The following DPP10 variants were observed in gnomAD, a reference collection of about 807,000 sequenced individuals.
DPP10 encodes inactive dipeptidyl peptidase 10.
DPP10 carries 33 observed loss-of-function variants against 120.9 expected under a neutral mutation model. The ratio of observed to expected loss-of-function variants is 0.27; its 90% CI spans 0.21 to 0.37. The LOEUF (loss-of-function observed/expected upper bound fraction) is 0.37, where lower values mean the gene tolerates loss of function less well. Ranked by LOEUF, DPP10 falls within the 10% of genes least tolerant of loss-of-function variation. DPP10 has a pLI of 1.00. For missense variants in DPP10, 816 were observed against 942.8 expected, an observed-to-expected ratio of 0.87 and a Z score of 1.76; for synonymous variants, 337 against 326.1, an observed-to-expected ratio of 1.03 and a Z score of -0.36.
intron 5 of DPP10, among the ~76,000 whole-genome samples, chr2:115,605,484 C>T (rs1427374687): frequency 2.6e-5 from 4 of 151,916 alleles, no homozygotes; most frequent in African/African-American, 9.7e-5. Context: ...CCATTCTAAG[C>T]AAAGAAGAAG....
intron 3 of DPP10, among the ~76,000 whole-genome samples, chr2:115,435,476 T>C (rs769292007): frequency 2.6e-5 from 4 of 151,964 alleles, no homozygotes; most frequent in Non-Finnish European, 5.9e-5. Flanking sequence ...CATATGCCTG[T>C]TGACCATCTT....
At position 114,739,059 on chromosome 2, in the gene DPP10, AG is replaced by A. The variant is rs142242924; in HGVS notation, c.60+296223del. Reference sequence around the variant, plus strand: ...TGCCCATTTCCTAGTTTGAGGTTTCAGGATCTGAGTTTGCTATCAGGATTGA... The same window carrying A: ...TGCCCATTTCCTAGTTTGAGGTTTCAGATCTGAGTTTGCTATCAGGATTGA... On this transcript the variant is annotated intron_variant, in intron 1 of 25. Transcript: ENST00000410059. Among the ~76,000 whole-genome samples, 578 of 152,314 alleles carry A rather than the reference AG, an allele frequency of 3.8e-3. 3 individuals are homozygous for A. The highest frequency in any genetic ancestry group is 0.013 in the African/African-American group (523 of 41,572).
At chr2:115,170,248 T>C (rs1252503638) in intron 1 of DPP10, among the ~76,000 whole-genome samples, 1 of 152,206 alleles carries the variant, frequency 6.6e-6, no homozygotes, top group Non-Finnish European at 1.5e-5. Flanking sequence ...ATGCAAAACA[T>C]GGCTCTTTTT....
chr2:115,314,622 T>C (rs1351760828), intron 2 of DPP10, among the ~76,000 whole-genome samples: 1 of 152,196 alleles, frequency 6.6e-6, no homozygotes, highest in Non-Finnish European at 1.5e-5. Flanking sequence ...GAGATGTCTT[T>C]ATTTTCACTT....
chr2:115,471,910 C>T (rs910688816), intron 3 of DPP10, among the ~76,000 whole-genome samples: 3 of 152,046 alleles, frequency 2.0e-5, no homozygotes, highest in Non-Finnish European at 2.9e-5. Flanking sequence ...TGAGCCACTT[C>T]ACTCAGCCAG....
intron 1 of DPP10, among the ~76,000 whole-genome samples, chr2:115,105,422 TGAGAGAGAGAGAGAGA>T (rs10565038): frequency 3.5e-4 from 51 of 146,238 alleles, no homozygotes; most frequent in Non-Finnish European, 9.0e-5. Flanking sequence ...TGTCACATGG[TGAGAGAGAGAGAGAGA>T]GAGAGAGAGA....
chr2:115,075,352 A>G (rs1410331605), intron 1 of DPP10, among the ~76,000 whole-genome samples: 2 of 152,224 alleles, frequency 1.3e-5, no homozygotes, highest in African/African-American at 4.8e-5. Context: ...CAGTATGTAA[A>G]GGTACGATCA....
intron 1 of DPP10, among the ~76,000 whole-genome samples, chr2:114,891,366 T>C (rs544389683): frequency 6.6e-6 from 1 of 152,320 alleles, no homozygotes; most frequent in East Asian, 1.9e-4. Flanking sequence ...TAATATCTAA[T>C]TGGAAAGATA....
intron 1 of DPP10, among the ~76,000 whole-genome samples, chr2:114,798,226 A>C (rs558097927): frequency 2.0e-5 from 3 of 152,248 alleles, no homozygotes; most frequent in African/African-American, 7.2e-5. Flanking sequence ...CATTCATGGA[A>C]AAATTAGTGA....
intron 1 of DPP10, among the ~76,000 whole-genome samples, chr2:114,808,365 T>C (rs949715459): frequency 6.6e-6 from 1 of 152,214 alleles, no homozygotes; most frequent in Non-Finnish European, 1.5e-5. Flanking sequence ...TAGGTCAGCA[T>C]GCATTTCTGA....
In DPP10 at chr2:114,593,273, T is replaced by G. The variant is rs568110119; in HGVS notation, c.60+150435T>G. 2.2e-4 allele frequency among the ~76,000 whole-genome samples: 34 copies of G among 152,238 alleles called. No individual in the cohort carries two copies. In the East Asian group the frequency reaches 3.3e-3, roughly 15 times the overall value. The stretch of plus-strand genomic sequence containing the variant: ...CGGTAATATAGAAACTGTAAGGAAC[T>G]CTACCAATGGAACAGCAGAGCCACG... On this transcript the variant is annotated intron_variant, in intron 1 of 25. Coordinates refer to ENST00000410059, the MANE Select transcript of DPP10 (RefSeq NM_020868.6).
intron 1 of DPP10, among the ~76,000 whole-genome samples, chr2:115,212,701 C>T (rs149332682): frequency 1.3e-5 from 2 of 152,132 alleles, no homozygotes; most frequent in Admixed American, 6.6e-5. Flanking sequence ...TGTGTATTTG[C>T]ACACACAAAT....
intron 5 of DPP10, among the ~76,000 whole-genome samples, chr2:115,668,299 G>A (rs1207956086): frequency 6.6e-6 from 1 of 151,982 alleles, no homozygotes; most frequent in Admixed American, 6.6e-5. Context: ...AGATGATTAG[G>A]TCACAAGGGC....
At chr2:115,202,542 A>G (rs11896538) in intron 1 of DPP10, among the ~76,000 whole-genome samples, 27,048 of 152,166 alleles carry the variant, frequency 0.18, 2,662 homozygotes, top group African/African-American at 0.25. Context: ...AGGAAAGTCT[A>G]TATCAGAGAC....
intron 17 of DPP10, among the ~76,000 whole-genome samples, chr2:115,790,853 C>A (rs752969924): frequency 4.6e-5 from 7 of 152,028 alleles, no homozygotes; most frequent in Non-Finnish European, 1.0e-4. Flanking sequence ...ATCAGATTTG[C>A]ATTTTGAAAA....
At chr2:115,638,322 A>G (rs189768495) in intron 5 of DPP10, among the ~76,000 whole-genome samples, 5 of 152,300 alleles carry the variant, frequency 3.3e-5, no homozygotes, top group African/African-American at 1.2e-4. Context: ...TGCAGTCTGG[A>G]AGGCTGAACT....
chr2:115,439,081 G>A (rs551858224), intron 3 of DPP10, among the ~76,000 whole-genome samples: 4 of 82,446 alleles, frequency 4.9e-5, no homozygotes, highest in Non-Finnish European at 8.1e-5. Context: ...GTGGAATAGC[G>A]GCTAAGATGG....
At chr2:115,521,055 G>A (rs1435935464) in intron 4 of DPP10, among the ~76,000 whole-genome samples, 1 of 152,186 alleles carries the variant, frequency 6.6e-6, no homozygotes, top group Non-Finnish European at 1.5e-5. Context: ...GACAGGGAAG[G>A]CTTAAAGGAG....
At chr2:114,628,509 A>G (rs895863441) in intron 1 of DPP10, among the ~76,000 whole-genome samples, 2 of 152,190 alleles carry the variant, frequency 1.3e-5, no homozygotes, top group African/African-American at 4.8e-5. Context: ...AGACCAAGTG[A>G]GAAAGAGCAA....
Sources: gnomAD v4.1 joint callset for allele counts (sites outside exome capture counted in the v4.1 genomes callset) on GRCh38, gnomAD v4.1.1 for gene constraint, MANE v1.5 for transcripts, NCBI Gene and HGNC (gene_info 2026-07-23, HGNC 2026-07-21) for gene names.